The following CTNND2 variants were observed in gnomAD, a reference collection of about 807,000 sequenced individuals.
CTNND2 encodes the protein catenin delta 2.
Under a neutral mutation model 144.4 loss-of-function variants are expected in CTNND2, and 22 were observed. The ratio of observed to expected loss-of-function variants is 0.15; its 90% CI spans 0.11 to 0.22. The LOEUF is 0.22. Ranked by LOEUF, CTNND2 falls within the 10% of genes least tolerant of loss-of-function variation. The pLI, the probability that CTNND2 is intolerant of heterozygous loss-of-function variation, is 1.00. For synonymous variants in CTNND2, 751 were observed against 695.6 expected (o/e 1.08, Z -1.25); for missense variants, 1,353 against 1,618.8 (o/e 0.84, Z 2.82).
chr5:11,884,295 T>C (rs1736352381), intron 1 of CTNND2, among the ~76,000 whole-genome samples: 3 of 152,262 alleles, frequency 2.0e-5, no homozygotes, highest in Non-Finnish European at 2.9e-5. Flanking sequence ...TCTTCTAGGG[T>C]TTTTATGGTT....
At chr5:11,626,534 G>C (rs556259938) in intron 2 of CTNND2, among the ~76,000 whole-genome samples, 1 of 152,192 alleles carries the variant, frequency 6.6e-6, no homozygotes, top group South Asian at 2.1e-4. Context: ...GAGTCAGAGT[G>C]TTTAAGTCAC....
At chr5:11,087,587 T>C (rs924943619) in intron 15 of CTNND2, among the ~76,000 whole-genome samples, 1 of 152,238 alleles carries the variant, frequency 6.6e-6, no homozygotes, top group Admixed American at 6.5e-5. Flanking sequence ...AGTTATGTTA[T>C]GGATTTACAT....
chr5:11,773,114 C>T (rs1259491299), intron 1 of CTNND2, among the ~76,000 whole-genome samples: 6 of 152,142 alleles, frequency 3.9e-5, no homozygotes, highest in Admixed American at 3.9e-4. Context: ...CAGTGGAGCC[C>T]AATAAACACC....
At chr5:11,780,511 G>C (rs911163912) in intron 1 of CTNND2, among the ~76,000 whole-genome samples, 1 of 152,170 alleles carries the variant, frequency 6.6e-6, no homozygotes, top group African/African-American at 2.4e-5. Flanking sequence ...CACCTGGAGA[G>C]TGCAGAGGCT....
At chr5:11,577,153 T>C (rs1355847918) in intron 2 of CTNND2, among the ~76,000 whole-genome samples, 1 of 152,234 alleles carries the variant, frequency 6.6e-6, no homozygotes, top group Admixed American at 6.5e-5. Flanking sequence ...AATGACATTA[T>C]CTTCTCATCG....
At chr5:11,621,488 G>A (rs1780837238) in intron 2 of CTNND2, among the ~76,000 whole-genome samples, 2 of 151,962 alleles carry the variant, frequency 1.3e-5, no homozygotes, top group South Asian at 4.2e-4. Context: ...ATTTAACTTT[G>A]GAATTTGTAT....
At chr5:11,222,199 T>C (rs1739870949) in intron 10 of CTNND2, among the ~76,000 whole-genome samples, 1 of 151,924 alleles carries the variant, frequency 6.6e-6, no homozygotes, top group African/African-American at 2.4e-5. Context: ...AGAAGACCCA[T>C]TAAAATAGAA....
intron 20 of CTNND2, among the ~76,000 whole-genome samples, chr5:10,984,090 A>G (rs1737636961): frequency 1.3e-5 from 2 of 152,134 alleles, no homozygotes; most frequent in Non-Finnish European, 2.9e-5. Flanking sequence ...TACCCTGATC[A>G]GTTTCTTCTT....
At chr5:11,226,301 T>G (rs1740346275) in intron 10 of CTNND2, among the ~76,000 whole-genome samples, 1 of 152,194 alleles carries the variant, frequency 6.6e-6, no homozygotes, top group African/African-American at 2.4e-5. Flanking sequence ...CCTGACCATT[T>G]TCTACAGAAT....
chr5:11,001,286 T>C (rs1031378948), intron 18 of CTNND2, among the ~76,000 whole-genome samples: 1 of 152,210 alleles, frequency 6.6e-6, no homozygotes, highest in African/African-American at 2.4e-5. Flanking sequence ...CAATTACTAT[T>C]GCCAAATAAA....
chr5:10,993,176 C>T (rs1738905197), intron 18 of CTNND2, among the ~76,000 whole-genome samples: 1 of 152,254 alleles, frequency 6.6e-6, no homozygotes, highest in African/African-American at 2.4e-5. Flanking sequence ...CCCAAATGCC[C>T]ACCCTCGCCT....
chr5:11,240,547 C>CT (rs1561076243), intron 9 of CTNND2, among the ~76,000 whole-genome samples: 3 of 50,772 alleles, frequency 5.9e-5, no homozygotes, highest in African/African-American at 5.1e-4. Context: ...ACACACACAC[C>CT]CAACACACAC....
chr5:11,730,338 A>C (rs1787311502), intron 2 of CTNND2, among the ~76,000 whole-genome samples: 1 of 152,156 alleles, frequency 6.6e-6, no homozygotes, highest in Admixed American at 6.6e-5. Context: ...TTATGCTGTA[A>C]GTTAACAGTT....
intron 3 of CTNND2, among the ~76,000 whole-genome samples, chr5:11,553,404 G>C (rs1775940114): frequency 6.6e-6 from 1 of 152,228 alleles, no homozygotes; most frequent in Non-Finnish European, 1.5e-5. Context: ...AGAAAAATTA[G>C]AAAAGAGACT....
intron 9 of CTNND2, among the ~76,000 whole-genome samples, chr5:11,293,092 T>C (rs1011078872): frequency 6.6e-6 from 1 of 150,610 alleles, no homozygotes; most frequent in Admixed American, 6.7e-5. Flanking sequence ...TATTATGCCA[T>C]TATACAGCTG....
At chr5:11,454,871 G>A (rs1189705911) in intron 3 of CTNND2, among the ~76,000 whole-genome samples, 1 of 151,396 alleles carries the variant, frequency 6.6e-6, no homozygotes, top group African/African-American at 2.4e-5. Context: ...CAAAGTGCTA[G>A]GATTACAGGT....
At chr5:11,392,344 G>A (rs1322626646) in intron 6 of CTNND2, among the ~76,000 whole-genome samples, 1 of 152,140 alleles carries the variant, frequency 6.6e-6, no homozygotes, top group African/African-American at 2.4e-5. Context: ...AGAGAAGAAA[G>A]AAATAAAGCA....
At chr5:11,311,776 ACCTCACACACACACACACACACACACT>A (rs1750900470) in intron 9 of CTNND2, among the ~76,000 whole-genome samples, 1 of 68,178 alleles carries the variant, frequency 1.5e-5, no homozygotes, top group Non-Finnish European at 3.1e-5. Flanking sequence ...ATGCACCCTC[ACCTCACACACACACACACACACACACT>A]CCCCATACAC....
chr5:11,438,731 G>C (rs966225625), intron 3 of CTNND2, among the ~76,000 whole-genome samples: 4 of 152,176 alleles, frequency 2.6e-5, no homozygotes. Context: ...GGCCAGTTGA[G>C]ATTAGATAAT....
Sources: allele counts gnomAD v4.1 joint callset (sites outside exome capture counted in the v4.1 genomes callset), GRCh38; gene constraint gnomAD v4.1.1; transcripts MANE v1.5; gene names NCBI Gene and HGNC (gene_info 2026-07-23, HGNC 2026-07-21).